Variants in WRN observed in about 807,000 individuals in gnomAD.
WRN encodes WRN RecQ like helicase.
In WRN, 149 loss-of-function variants were observed where a neutral mutation model predicts 180.7. The observed-to-expected ratio is 0.82, with a 90% CI of 0.72 to 0.94. The LOEUF (loss-of-function observed/expected upper bound fraction) is 0.94. WRN is among the 40% of genes least tolerant of loss of function. WRN has a pLI of 0.00. For synonymous variants in WRN, 548 were observed against 568.9 expected (o/e 0.96, Z 0.52); for missense variants, 1,661 against 1,700.1 (o/e 0.98, Z 0.40).
chr8:31,172,667 C>T (rs1334762830), intron 34 of WRN, among the ~76,000 whole-genome samples: 1 of 152,112 alleles, frequency 6.6e-6, no homozygotes, highest in Non-Finnish European at 1.5e-5. Context: ...ATTAAATTCA[C>T]CATTTTGGTC....
rs749885093 is a variant in WRN at position 31,111,765 on chromosome 8, C to G, written c.2239C>G (p.Leu747Val). 2 of 1,613,800 alleles carry G rather than the reference C, an allele frequency of 1.2e-6. No individual in the cohort carries two copies. Among genetic ancestry groups the G allele is most frequent in the South Asian group, 2.2e-5 (2 of 91,076 alleles). The stretch of plus-strand genomic sequence containing the variant: ...AGTTAGGCGAAAAACAGGGAATATC[C>G]TTCAGGATCTGCAGCCATTTCTTGT... ...LEVRRKTGNI[L>V]QDLQPFLVKT... The change falls in exon 19 of 35, where the codon CTT becomes GTT. Residue 747 changes from leucine (L) to valine (V), a missense_variant. Around this residue, in one of 3 missense-constraint regions of WRN, gnomAD observed 1,141 missense variants for 1,149.4 expected, o/e 0.99. Coordinates refer to ENST00000298139, the MANE Select transcript of WRN (RefSeq NM_000553.6).
At chr8:31,108,699 G>A (rs894182950) in intron 18 of WRN, among the ~76,000 whole-genome samples, 12 of 152,146 alleles carry the variant, frequency 7.9e-5, no homozygotes, top group South Asian at 2.1e-4. Flanking sequence ...GGTTTGCAGT[G>A]TTACACAAGG....
At chr8:31,040,805 G>C (rs1811623524) in intron 1 of WRN, among the ~76,000 whole-genome samples, 1 of 152,166 alleles carries the variant, frequency 6.6e-6, no homozygotes, top group African/African-American at 2.4e-5. Flanking sequence ...TAATGGAGCA[G>C]TTAGCCAAAA....
At chr8:31,143,650 T>C in intron 28 of WRN, 27 bp downstream of exon 28, 1 of 1,500,686 alleles carries the variant, frequency 6.7e-7, no homozygotes, top group African/African-American at 1.4e-5. Context: ...TTCTATGTTC[T>C]ATACTTGCTT....
chr8:31,085,949 A>G (rs949091199), intron 11 of WRN, among the ~76,000 whole-genome samples: 3 of 151,934 alleles, frequency 2.0e-5, no homozygotes, highest in African/African-American at 4.8e-5. Flanking sequence ...ATTATTTACT[A>G]TGGATATTTT....
At chr8:31,083,045 G>T (rs1446504229) in intron 9 of WRN, among the ~76,000 whole-genome samples, 1 of 151,722 alleles carries the variant, frequency 6.6e-6, no homozygotes. Flanking sequence ...CCTACTTCCT[G>T]TTTAAATATT....
At chr8:31,036,585 ACATTT>A in intron 1 of WRN, among the ~76,000 whole-genome samples, 1 of 152,210 alleles carries the variant, frequency 6.6e-6, no homozygotes, top group South Asian at 2.1e-4. Context: ...ATTTTGATTT[ACATTT>A]CCCTGATGGT....
intron 17 of WRN, 134 bp from the exon 18 acceptor site, chr8:31,100,715 G>C: frequency 1.4e-6 from 1 of 709,450 alleles, no homozygotes; most frequent in Non-Finnish European, 2.4e-6. Flanking sequence ...TTAATATGAT[G>C]ATATTTATGC....
chr8:31,063,025 G>A (rs187245634), intron 3 of WRN, among the ~76,000 whole-genome samples: 1 of 151,938 alleles, frequency 6.6e-6, no homozygotes, highest in African/African-American at 2.4e-5. Flanking sequence ...TTAAAGACAG[G>A]GTCTCACTAT....
At chr8:31,052,508 C>T (rs1450879910) in intron 1 of WRN, among the ~76,000 whole-genome samples, 1 of 152,122 alleles carries the variant, frequency 6.6e-6, no homozygotes, top group African/African-American at 2.4e-5. Flanking sequence ...GTGCCTCAGC[C>T]TCTTGAGTAA....
At chr8:31,051,090 G>A (rs201877698) in intron 1 of WRN, among the ~76,000 whole-genome samples, 1 of 148,464 alleles carries the variant, frequency 6.7e-6, no homozygotes, top group Non-Finnish European at 1.5e-5. Flanking sequence ...TTTTTTTTTA[G>A]TGCTTTTTAA....
rs1286335892 is a variant in WRN at position 31,103,058 on chromosome 8, A to T, written c.2088+2103A>T. Among the ~76,000 whole-genome samples the T allele has an allele frequency of 2.0e-5, 3 of 151,340 alleles. No individual in the cohort carries two copies. The East Asian group carries it at 5.9e-4, about 30-fold the overall frequency. Reference sequence around the variant, plus strand: ...TTAAAAACTAAAATACACACATATCAGACTAGACCTACACAGGGTCAGGAT... The same window carrying T: ...TTAAAAACTAAAATACACACATATCTGACTAGACCTACACAGGGTCAGGAT... On this transcript the variant is annotated intron_variant, in intron 18 of 34. Transcript: ENST00000298139.
At chr8:31,167,320 ATGAATTC>A (rs1161969431) in intron 34 of WRN, 90 bp downstream of exon 34, 1 of 1,052,934 alleles carries the variant, frequency 9.5e-7, no homozygotes, top group African/African-American at 1.6e-5. Flanking sequence ...TTGAACTGTT[ATGAATTC>A]TGATATGATT....
chr8:31,068,574 G>GC (rs1431708775), intron 7 of WRN, among the ~76,000 whole-genome samples: 1 of 152,082 alleles, frequency 6.6e-6, no homozygotes, highest in Non-Finnish European at 1.5e-5. Flanking sequence ...TAGAGTTGGG[G>GC]CTTTGTGGCT....
chr8:31,055,436 A>G (rs1378448918), intron 1 of WRN, among the ~76,000 whole-genome samples: 15 of 152,190 alleles, frequency 9.9e-5, no homozygotes, highest in Admixed American at 9.8e-4. Context: ...AATAAACGCC[A>G]TTCTGACTGG....
chr8:31,061,715 C>T (rs1563328017), intron 3 of WRN, among the ~76,000 whole-genome samples: 1 of 151,974 alleles, frequency 6.6e-6, no homozygotes, highest in Admixed American at 6.6e-5. Context: ...GTAATTTAGC[C>T]CTATAATAAG....
chr8:31,063,599 T>C (rs775007306), intron 3 of WRN, among the ~76,000 whole-genome samples: 24 of 152,242 alleles, frequency 1.6e-4, no homozygotes, highest in Admixed American at 5.2e-4. Flanking sequence ...TAACACGTGG[T>C]ATTCTGAAAC....
chr8:31,080,746 A>G (rs1813268744), intron 8 of WRN, 121 bp from the exon 9 acceptor site: 2 of 803,884 alleles, frequency 2.5e-6, no homozygotes, highest in Non-Finnish European at 3.9e-6. Context: ...CAGCCTTAAT[A>G]CTATTGATCT....
chr8:31,065,179 G>C, intron 5 of WRN, 116 bp downstream of exon 5: 1 of 1,079,228 alleles, frequency 9.3e-7, no homozygotes, highest in Admixed American at 2.7e-5. Flanking sequence ...TAATGTTTTT[G>C]TAGCAATAAA....
Sources: allele counts gnomAD v4.1 joint callset (sites outside exome capture counted in the v4.1 genomes callset), GRCh38; gene constraint gnomAD v4.1.1; regional missense constraint gnomAD v4.1.1; transcripts MANE v1.5; gene names NCBI Gene and HGNC (gene_info 2026-07-23, HGNC 2026-07-21).